The following SUGCT variants were observed in gnomAD, a reference collection of about 807,000 sequenced individuals.
SUGCT encodes the protein succinyl-CoA:glutarate-CoA transferase.
A neutral mutation model predicts 55.0 loss-of-function variants in SUGCT; 41 were observed. That is an observed-to-expected ratio of 0.74 (90% CI 0.58 to 0.97). The LOEUF (loss-of-function observed/expected upper bound fraction) is 0.97. Ranked by LOEUF, SUGCT falls within the 50% of genes least tolerant of loss-of-function variation. The pLI is 0.00. For synonymous variants in SUGCT, 187 were observed against 200.4 expected (o/e 0.93, Z 0.56); for missense variants, 568 against 547.8 (o/e 1.04, Z -0.37).
At chr7:40,399,264 GA>G (rs971028904) in intron 9 of SUGCT, among the ~76,000 whole-genome samples, 11 of 151,600 alleles carry the variant, frequency 7.3e-5, no homozygotes, top group South Asian at 2.1e-4. Flanking sequence ...AAAAGCCAAG[GA>G]AAAAAAATGT....
chr7:40,888,960 G>T, the SUGCT span, among the ~76,000 whole-genome samples: 1 of 152,218 alleles, frequency 6.6e-6, no homozygotes, highest in African/African-American at 2.4e-5. Context: ...CTGTCAGTTA[G>T]GCTGAGACAA....
Position 40,248,302 on chromosome 7 carries a change from C to T in SUGCT, c.576+10576C>T, listed in dbSNP as rs181224831. ...CCGGAATTACAGGCATGAGCCACCACGCCCGGCCTATAGTTTTGATTCTTA... is the reference window on the plus strand; with the variant it reads ...CCGGAATTACAGGCATGAGCCACCATGCCCGGCCTATAGTTTTGATTCTTA... On this transcript the variant is annotated intron_variant, in intron 7 of 13. Transcript: ENST00000335693. Among the ~76,000 whole-genome samples the T allele has an allele frequency of 5.2e-3, 795 of 152,254 alleles. 2 individuals are homozygous for T. The highest frequency in any genetic ancestry group is 8.3e-3 in the Non-Finnish European group (563 of 68,022).
Position 40,851,611 on chromosome 7 carries a change from C to T in SUGCT, c.1154-8705C>T, listed in dbSNP as rs1793857011. Among the ~76,000 whole-genome samples the T allele has an allele frequency of 3.3e-5, 5 of 152,276 alleles. No homozygotes were observed. In the South Asian group the frequency reaches 1.0e-3, roughly 32 times the overall value. On this transcript the variant is annotated intron_variant, in intron 13 of 13. Transcript: ENST00000335693. ...GTCATTATCCTACACCGCTCTAGAACCATCCCTTAGAGGACCACAGGCAGT... is the reference window on the plus strand; with the variant it reads ...GTCATTATCCTACACCGCTCTAGAATCATCCCTTAGAGGACCACAGGCAGT...
At chr7:40,805,267 C>T (rs1179517506) in intron 13 of SUGCT, among the ~76,000 whole-genome samples, 1 of 152,082 alleles carries the variant, frequency 6.6e-6, no homozygotes, top group African/African-American at 2.4e-5. Flanking sequence ...CCCTTTGAGC[C>T]TCATGCATAG....
At chr7:40,488,194 T>C (rs1321840920) in intron 11 of SUGCT, among the ~76,000 whole-genome samples, 1 of 152,048 alleles carries the variant, frequency 6.6e-6, no homozygotes, top group Non-Finnish European at 1.5e-5. Context: ...AGTAGTATGT[T>C]TTAATTTCTT....
intron 4 of SUGCT, 44 bp downstream of exon 4, chr7:40,188,624 T>C (rs528655730): frequency 3.9e-5 from 51 of 1,296,138 alleles, no homozygotes; most frequent in Non-Finnish European, 5.1e-5. Flanking sequence ...GTAATTCTCT[T>C]ATAATAGCAA....
chr7:40,161,022 TAGGCC>T (rs1340320045), intron 1 of SUGCT, among the ~76,000 whole-genome samples: 1 of 152,200 alleles, frequency 6.6e-6, no homozygotes, highest in Non-Finnish European at 1.5e-5. Context: ...TGAATATGGC[TAGGCC>T]ACTTTAAAGC....
chr7:40,860,859 A>T, downstream of SUGCT: 1 of 149,410 alleles, frequency 6.7e-6, no homozygotes. Context: ...ACAGGCCTGA[A>T]AAAGAGCAGC....
chr7:40,230,535 GA>G (rs1388857434), intron 6 of SUGCT, among the ~76,000 whole-genome samples: 1 of 152,190 alleles, frequency 6.6e-6, no homozygotes, highest in Non-Finnish European at 1.5e-5. Flanking sequence ...CGCAGGACAT[GA>G]GAGGCTGGAT....
chr7:40,835,899 T>C (rs557760191), intron 13 of SUGCT, among the ~76,000 whole-genome samples: 1 of 148,996 alleles, frequency 6.7e-6, no homozygotes, highest in East Asian at 1.9e-4. Flanking sequence ...TCTTTTTTTT[T>C]TTTTTTTTGG....
intron 12 of SUGCT, among the ~76,000 whole-genome samples, chr7:40,712,689 C>A (rs555607280): frequency 6.6e-6 from 1 of 152,334 alleles, no homozygotes; most frequent in Admixed American, 6.5e-5. Context: ...TCCAACATTT[C>A]AACATTCAGC....
chr7:40,408,482 C>A (rs1271309246), intron 9 of SUGCT, among the ~76,000 whole-genome samples: 1 of 151,998 alleles, frequency 6.6e-6, no homozygotes, highest in Non-Finnish European at 1.5e-5. Flanking sequence ...AAGTCAATAC[C>A]CAACTGTCTA....
intron 12 of SUGCT, among the ~76,000 whole-genome samples, chr7:40,697,937 A>G (rs1333250333): frequency 2.6e-5 from 4 of 152,220 alleles, no homozygotes; most frequent in Non-Finnish European, 5.9e-5. Context: ...GTTAACAGAC[A>G]TTCCAATTTG....
At chr7:40,967,924 G>A in the SUGCT span, among the ~76,000 whole-genome samples, 1 of 152,296 alleles carries the variant, frequency 6.6e-6, no homozygotes, top group South Asian at 2.1e-4. Flanking sequence ...TTCCCTAATA[G>A]AGGGTCTAAG....
chr7:40,275,711 A>T (rs1218916785), intron 8 of SUGCT, among the ~76,000 whole-genome samples: 3 of 152,058 alleles, frequency 2.0e-5, no homozygotes, highest in African/African-American at 7.2e-5. Context: ...ACTTGAGTTG[A>T]TTAACTCCCA....
At chr7:40,187,954 C>T (rs1400905205) in intron 3 of SUGCT, among the ~76,000 whole-genome samples, 1 of 151,782 alleles carries the variant, frequency 6.6e-6, no homozygotes, top group African/African-American at 2.4e-5. Flanking sequence ...CATTTGAAGT[C>T]AGGAGTTTGA....
At chr7:40,467,831 G>C (rs1288394506) in intron 11 of SUGCT, among the ~76,000 whole-genome samples, 2 of 152,014 alleles carry the variant, frequency 1.3e-5, no homozygotes, top group African/African-American at 2.4e-5. Context: ...ATTTTCATTA[G>C]CCTGCATGGC....
At chr7:40,254,634 A>G (rs953738706) in intron 7 of SUGCT, among the ~76,000 whole-genome samples, 4 of 151,550 alleles carry the variant, frequency 2.6e-5, no homozygotes, top group African/African-American at 9.7e-5. Flanking sequence ...ACCTAAAGTG[A>G]TCTACCTGCC....
At chr7:40,201,754 C>G (rs369155556) in intron 6 of SUGCT, among the ~76,000 whole-genome samples, 20 of 152,194 alleles carry the variant, frequency 1.3e-4, no homozygotes, top group East Asian at 5.8e-4. Context: ...GACTTTATGC[C>G]TTTATTTTAT....
Sources: allele counts gnomAD v4.1 joint callset (sites outside exome capture counted in the v4.1 genomes callset), GRCh38; gene constraint gnomAD v4.1.1; transcripts MANE v1.5; gene names NCBI Gene and HGNC (gene_info 2026-07-23, HGNC 2026-07-21).